SLC39A11: variants seen among roughly 807,000 people sequenced by gnomAD.
SLC39A11 encodes solute carrier family 39 member 11.
In SLC39A11, 33 loss-of-function variants were observed where a neutral mutation model predicts 36.1. The observed-to-expected ratio is 0.91, with a 90% CI of 0.69 to 1.22. SLC39A11 has a LOEUF of 1.22. Among genes scored for constraint, SLC39A11 ranks in the 50% most tolerant of loss-of-function variants. The pLI, the probability that SLC39A11 is intolerant of heterozygous loss-of-function variation, is 0.00. For synonymous variants in SLC39A11, 166 were observed against 170.3 expected (o/e 0.97, Z 0.20); for missense variants, 432 against 430.3 (o/e 1.00, Z -0.03).
At chr17:73,090,787 C>T (rs1374383552) in intron 1 of SLC39A11, among the ~76,000 whole-genome samples, 4 of 152,112 alleles carry the variant, frequency 2.6e-5, no homozygotes, top group Non-Finnish European at 5.9e-5. Context: ...GATAGGGAAA[C>T]ACCCGTCTAA....
intron 5 of SLC39A11, among the ~76,000 whole-genome samples, chr17:72,875,905 C>A (rs1489940492): frequency 6.6e-6 from 1 of 152,190 alleles, no homozygotes; most frequent in African/African-American, 2.4e-5. Flanking sequence ...CAGCTTAACA[C>A]TGCCATGGCA....
At chr17:73,026,524 A>AG (rs2058560748) in intron 4 of SLC39A11, among the ~76,000 whole-genome samples, 1 of 151,294 alleles carries the variant, frequency 6.6e-6, no homozygotes, top group South Asian at 2.1e-4. Context: ...CATCAAAAAA[A>AG]AAAAAAAAAA....
chr17:72,683,550 T>A (rs1045674224), intron 7 of SLC39A11, among the ~76,000 whole-genome samples: 2 of 151,948 alleles, frequency 1.3e-5, no homozygotes, highest in African/African-American at 2.4e-5. Context: ...TTGCCCAGGC[T>A]GGTCTCGGAC....
intron 5 of SLC39A11, among the ~76,000 whole-genome samples, chr17:72,910,623 CAAAAAA>C (rs759842114): frequency 4.0e-5 from 2 of 50,014 alleles, no homozygotes; most frequent in African/African-American, 1.9e-4. Flanking sequence ...GACTCCGTCT[CAAAAAA>C]AAAAAAAAAA....
chr17:72,733,850 T>C (rs1029128537), intron 7 of SLC39A11, among the ~76,000 whole-genome samples: 3 of 152,128 alleles, frequency 2.0e-5, no homozygotes, highest in Non-Finnish European at 4.4e-5. Context: ...ATGAACCCCA[T>C]AGCAGGCTGT....
chr17:72,953,448 C>T (rs964550316), intron 4 of SLC39A11, among the ~76,000 whole-genome samples: 1 of 152,168 alleles, frequency 6.6e-6, no homozygotes, highest in Non-Finnish European at 1.5e-5. Context: ...AAAAAGGCTG[C>T]ACAAAACAAT....
At chr17:72,704,460 A>G (rs1323692805) in intron 7 of SLC39A11, among the ~76,000 whole-genome samples, 1 of 152,216 alleles carries the variant, frequency 6.6e-6, no homozygotes, top group Non-Finnish European at 1.5e-5. Context: ...AGATGCGGCT[A>G]GATTCACTGG....
chr17:72,949,884 A>G (rs2452914), intron 4 of SLC39A11, among the ~76,000 whole-genome samples: 98,115 of 151,404 alleles, frequency 0.65, 33,849 homozygotes, highest in Non-Finnish European at 0.76. Context: ...AAAAAATACT[A>G]AAACAATTTT....
At chr17:72,863,736 A>G (rs1413839022) in intron 5 of SLC39A11, among the ~76,000 whole-genome samples, 2 of 152,240 alleles carry the variant, frequency 1.3e-5, no homozygotes, top group South Asian at 4.1e-4. Context: ...GGTGGGCTAC[A>G]GATTGCAGCG....
At chr17:72,883,802 G>C (rs903065490) in intron 5 of SLC39A11, among the ~76,000 whole-genome samples, 1 of 152,166 alleles carries the variant, frequency 6.6e-6, no homozygotes, top group African/African-American at 2.4e-5. Context: ...ATATCATAGT[G>C]TGAAAACTGA....
chr17:72,744,995 C>T (rs2074870877), intron 6 of SLC39A11, among the ~76,000 whole-genome samples: 1 of 152,156 alleles, frequency 6.6e-6, no homozygotes, highest in Non-Finnish European at 1.5e-5. Context: ...GTGCGCACCA[C>T]CAGGCCTGGC....
chr17:72,899,451 G>A (rs2082205299), intron 5 of SLC39A11, among the ~76,000 whole-genome samples: 1 of 152,098 alleles, frequency 6.6e-6, no homozygotes, highest in Non-Finnish European at 1.5e-5. Flanking sequence ...TTGAAGTGGG[G>A]AGCGAAGGAA....
intron 4 of SLC39A11, among the ~76,000 whole-genome samples, chr17:72,985,047 G>A (rs1023480234): frequency 1.3e-5 from 2 of 152,186 alleles, no homozygotes; most frequent in African/African-American, 4.8e-5. Flanking sequence ...ACACTAGGAG[G>A]CCCAGCCGGG....
In SLC39A11 at chr17:72,914,111, T is replaced by C. The variant is rs2083195349; in HGVS notation, c.430+33641A>G. On this transcript the variant is annotated intron_variant, in intron 5 of 9. Coordinates refer to ENST00000255559, the MANE Select transcript of SLC39A11 (RefSeq NM_139177.4). ...GGGTGGATCACCTGAGATCAGGAGA[T>C]CAAGACCATCCTGGCTAACATGGTG... 2.6e-5 allele frequency among the ~76,000 whole-genome samples: 4 copies of C among 150,994 alleles called. No homozygotes were observed. In the South Asian group the frequency reaches 8.3e-4, roughly 32 times the overall value.
intron 6 of SLC39A11, among the ~76,000 whole-genome samples, chr17:72,783,340 G>C (rs1046248612): frequency 6.6e-6 from 1 of 152,332 alleles, no homozygotes; most frequent in African/African-American, 2.4e-5. Context: ...ACCAGGCAGG[G>C]AGCAGAGTCA....
intron 7 of SLC39A11, among the ~76,000 whole-genome samples, chr17:72,723,870 A>T (rs1312415378): frequency 1.3e-5 from 2 of 152,098 alleles, no homozygotes; most frequent in Admixed American, 1.3e-4. Flanking sequence ...AATGGCTATT[A>T]AGTTCTTCAT....
intron 7 of SLC39A11, among the ~76,000 whole-genome samples, chr17:72,717,104 GTGTATGTATATATGTA>G (rs2073430899): frequency 7.2e-6 from 1 of 139,438 alleles, no homozygotes; most frequent in Non-Finnish European, 1.5e-5. Flanking sequence ...ATACTTATAT[GTGTATGTATATATGTA>G]TATATGTATA....
intron 5 of SLC39A11, among the ~76,000 whole-genome samples, chr17:72,893,454 T>C (rs1220430763): frequency 1.3e-5 from 2 of 151,654 alleles, no homozygotes; most frequent in Admixed American, 1.3e-4. Context: ...AGCAAGACTG[T>C]CTCAGGGAAA....
intron 5 of SLC39A11, among the ~76,000 whole-genome samples, chr17:72,918,571 T>TAC (rs1195449560): frequency 6.6e-6 from 1 of 152,202 alleles, no homozygotes. Context: ...GTGAGTCTAT[T>TAC]ACAACCAGCA....
Sources: allele counts gnomAD v4.1 joint callset (sites outside exome capture counted in the v4.1 genomes callset), GRCh38; gene constraint gnomAD v4.1.1; transcripts MANE v1.5; gene names NCBI Gene and HGNC (gene_info 2026-07-23, HGNC 2026-07-21).